The following AASDH variants were observed in gnomAD, a reference collection of about 807,000 sequenced individuals.
AASDH encodes the protein beta-alanine-activating enzyme.
Under a neutral mutation model 102.3 loss-of-function variants are expected in AASDH, and 81 were observed. The observed-to-expected ratio is 0.79, with a 90% CI of 0.66 to 0.95. The LOEUF (loss-of-function observed/expected upper bound fraction) is 0.95, where lower values mean the gene tolerates loss of function less well. Among genes scored for constraint, AASDH ranks in the 40% least tolerant of loss-of-function variants. The probability of loss-of-function intolerance (pLI) is 0.00; values close to 1 mark genes in which losing one functional copy is unlikely to be tolerated. For missense variants in AASDH, 1,203 were observed against 1,266.2 expected (o/e 0.95, Z 0.76); for synonymous variants, 398 against 454.0 (o/e 0.88, Z 1.57).
rs748139483 is a variant in AASDH at position 56,354,064 on chromosome 4, C to G, written c.1358G>C (p.Arg453Pro). Residue 453 changes from arginine (R) to proline (P), a missense_variant, in exon 8 of 15, where the codon CGT becomes CCT. Arg to Pro is a moderately radical substitution (Grantham distance 103, BLOSUM62 -2). Transcript: ENST00000205214. ...CTGTTGCACAAGTTCAATGTTAAGA[C>G]GTTTGCCATGACGTTTGATCTGACT... ...KDSQIKRHGK[R>P]LNIELVQQVA... 1 of 1,611,566 alleles carries G rather than the reference C, an allele frequency of 6.2e-7. No individual in the cohort carries two copies. Among genetic ancestry groups the G allele is most frequent in the Non-Finnish European group, 8.5e-7 (1 of 1,178,668 alleles).
intron 2 of AASDH, among the ~76,000 whole-genome samples, chr4:56,382,840 C>T (rs896217783): frequency 6.6e-6 from 1 of 152,234 alleles, no homozygotes; most frequent in East Asian, 1.9e-4. Flanking sequence ...GAGGTTGAGG[C>T]GAGCGAATCA....
chr4:56,340,544 T>C (rs1747546849), intron 14 of AASDH, among the ~76,000 whole-genome samples: 1 of 152,144 alleles, frequency 6.6e-6, no homozygotes, highest in Non-Finnish European at 1.5e-5. Flanking sequence ...GATTAAAGAC[T>C]TAAATTTAAG....
intron 5 of AASDH, among the ~76,000 whole-genome samples, chr4:56,364,850 T>C (rs200977464): frequency 2.0e-5 from 3 of 152,114 alleles, no homozygotes; most frequent in South Asian, 2.1e-4. Context: ...AATGACAGGA[T>C]CAAATTCACA....
chr4:56,352,012 T>C (rs907120182), intron 9 of AASDH, among the ~76,000 whole-genome samples: 2 of 152,066 alleles, frequency 1.3e-5, no homozygotes, highest in Non-Finnish European at 2.9e-5. Context: ...TTCCATTACC[T>C]GAGCAATTAC....
In AASDH at chr4:56,353,547, T is replaced by G. The variant is rs749180291; in HGVS notation, c.1433A>C (p.Asn478Thr). The G allele has an allele frequency of 1.2e-6, 2 of 1,613,498 alleles. No individual in the cohort carries two copies. Among genetic ancestry groups the G allele is most frequent in the South Asian group, 2.2e-5 (2 of 91,066 alleles). The change falls in exon 9 of 15, where the codon AAT becomes ACT. Residue 478 changes from asparagine (N) to threonine (T), a missense_variant. Physicochemically the swap from Asn to Thr is moderately conservative, Grantham distance 65 (BLOSUM62 0). Coordinates refer to ENST00000205214, the MANE Select transcript of AASDH (RefSeq NM_181806.4). ...CATGAAGAGAATTAATTTTTCCTGA[T>G]TATACCATGTAACTGCACAAGACTC... ...QVESCAVTWYNQEKLILFMVS... is the reference protein window; with the variant it reads ...QVESCAVTWYTQEKLILFMVS...
chr4:56,350,570 C>T (rs750555962), intron 10 of AASDH, among the ~76,000 whole-genome samples: 1 of 151,838 alleles, frequency 6.6e-6, no homozygotes, highest in Non-Finnish European at 1.5e-5. Flanking sequence ...CCAATTTTGT[C>T]ACAAATTCAC....
chr4:56,353,602 A>G lies in AASDH; in HGVS notation c.1384-6T>C. On this transcript the variant is annotated splice_region_variant and splice_polypyrimidine_tract_variant and intron_variant, in intron 8 of 14. Coordinates refer to ENST00000205214, the MANE Select transcript of AASDH (RefSeq NM_181806.4). ...TGCTGAAGCTCTTCAGCAACCTATAAGAGAGATTATCCTAATTTGCCAATG... is the reference window on the plus strand; with the variant it reads ...TGCTGAAGCTCTTCAGCAACCTATAGGAGAGATTATCCTAATTTGCCAATG... 1 of 1,581,390 alleles carries G rather than the reference A, an allele frequency of 6.3e-7. No homozygotes were observed. The highest frequency in any genetic ancestry group is 8.5e-7 in the Non-Finnish European group (1 of 1,171,476).
chr4:56,363,459 T>C (rs999696988), intron 5 of AASDH, among the ~76,000 whole-genome samples: 2 of 152,222 alleles, frequency 1.3e-5, no homozygotes, highest in East Asian at 3.8e-4. Flanking sequence ...GTAGCCTAAC[T>C]GGGAGGCACC....
At chr4:56,341,559 A>ATT (rs543126027) in intron 14 of AASDH, among the ~76,000 whole-genome samples, 3,328 of 134,080 alleles carry the variant, frequency 0.025, 58 homozygotes, top group South Asian at 0.048. Context: ...CACCCAGCTA[A>ATT]TTTTTTTTTT....
chr4:56,346,822 C>T (rs140852006), intron 11 of AASDH, among the ~76,000 whole-genome samples: 6 of 152,028 alleles, frequency 3.9e-5, no homozygotes, highest in Admixed American at 3.3e-4. Context: ...GTGGGCAGAT[C>T]GCTTGAGCCC....
At chr4:56,342,548 G>A (rs918972812) in intron 14 of AASDH, among the ~76,000 whole-genome samples, 1 of 152,112 alleles carries the variant, frequency 6.6e-6, no homozygotes. Context: ...GACAAAAGAA[G>A]TGTAACAATG....
chr4:56,385,992 TA>T (rs1448906753), intron 1 of AASDH, among the ~76,000 whole-genome samples: 3 of 152,078 alleles, frequency 2.0e-5, no homozygotes, highest in Non-Finnish European at 4.4e-5. Flanking sequence ...AATTTTCATT[TA>T]TATCAACTAA....
chr4:56,364,553 G>A (rs1243142808), intron 5 of AASDH, among the ~76,000 whole-genome samples: 5 of 152,182 alleles, frequency 3.3e-5, no homozygotes, highest in African/African-American at 9.7e-5. Flanking sequence ...AAGAGAGTGG[G>A]AGCCAATATT....
chr4:56,351,351 A>G lies in AASDH; in HGVS notation c.1683T>C (p.Tyr561=), dbSNP rs901330981. The stretch of plus-strand genomic sequence containing the variant: ...AACTTAAAAATTGTACCTTCCACAA[A>G]TACTGTAATTTTTCCCAAAGGTCCT... The part of the protein sequence containing the change: ...GKEDLWEKLQ[Y]LWKSTLNLPE... Residue 561 remains tyrosine (Y), a synonymous_variant, in exon 10 of 15, where the codon TAT becomes TAC. Coordinates refer to ENST00000205214, the MANE Select transcript of AASDH (RefSeq NM_181806.4). The G allele has an allele frequency of 6.4e-7, 1 of 1,570,370 alleles. No homozygotes were observed. The highest frequency in any genetic ancestry group is 1.4e-5 in the African/African-American group (1 of 73,748).
rs188100395 is a variant in AASDH, at chr4:56,385,896, C to T, written c.-43+1466G>A. Reference sequence around the variant, plus strand: ...AATGTTAGGATTACAGGCGGAGCCACCGCGCCCGGCCGAGTCAAGTTTTCT... The same window carrying T: ...AATGTTAGGATTACAGGCGGAGCCATCGCGCCCGGCCGAGTCAAGTTTTCT... On this transcript the variant is annotated intron_variant, in intron 1 of 14. Transcript: ENST00000205214. Among the ~76,000 whole-genome samples, 40 of 151,864 alleles carry T rather than the reference C, an allele frequency of 2.6e-4. No homozygotes were observed. The East Asian group carries it at 7.5e-3, about 29-fold the overall frequency.
intron 4 of AASDH, among the ~76,000 whole-genome samples, chr4:56,372,576 C>T (rs1330629927): frequency 6.6e-6 from 1 of 152,164 alleles, no homozygotes; most frequent in Admixed American, 6.5e-5. Context: ...GACACCACTA[C>T]ATCTAAAAGC....
At chr4:56,347,644 G>A (rs1237913218) in intron 11 of AASDH, among the ~76,000 whole-genome samples, 2 of 152,194 alleles carry the variant, frequency 1.3e-5, no homozygotes, top group African/African-American at 2.4e-5. Context: ...GCTCACGCCT[G>A]TAATCTCAGC....
intron 5 of AASDH, among the ~76,000 whole-genome samples, chr4:56,357,659 A>C (rs916225383): frequency 4.7e-5 from 7 of 149,582 alleles, no homozygotes; most frequent in Middle Eastern, 3.3e-3. Context: ...TATAATTATG[A>C]ATAGAAATTA....
intron 5 of AASDH, 130 bp downstream of exon 5, chr4:56,371,321 G>T (rs7679769): frequency 1.1e-6 from 1 of 894,898 alleles, no homozygotes; most frequent in Non-Finnish European, 1.6e-6. Context: ...ATCCTGAGGA[G>T]ACGGCCCTTG....
Sources: gnomAD v4.1 joint callset for allele counts (sites outside exome capture counted in the v4.1 genomes callset) on GRCh38, gnomAD v4.1.1 for gene constraint, MANE v1.5 for transcripts, NCBI Gene and HGNC (gene_info 2026-07-23, HGNC 2026-07-21) for gene names.